The following SCLT1 variants were observed in gnomAD, a reference collection of about 807,000 sequenced individuals.
SCLT1 encodes the protein sodium channel-associated protein 1.
In SCLT1, 78 loss-of-function variants were observed where a neutral mutation model predicts 112.8. The ratio of observed to expected loss-of-function variants is 0.69; its 90% CI spans 0.58 to 0.83. The LOEUF is 0.83. Among genes scored for constraint, SCLT1 ranks in the 40% least tolerant of loss-of-function variants. SCLT1 has a pLI of 0.00. For synonymous variants in SCLT1, 257 were observed against 254.7 expected (o/e 1.01, Z -0.09); for missense variants, 747 against 770.4 (o/e 0.97, Z 0.36).
intron 4 of SCLT1, among the ~76,000 whole-genome samples, chr4:129,042,480 T>C (rs896739152): frequency 2.0e-4 from 30 of 152,002 alleles, no homozygotes; most frequent in African/African-American, 6.3e-4. Flanking sequence ...GCAGATAGAA[T>C]GAGGTAAGGA....
In SCLT1 at chr4:128,952,843, G is replaced by T; in HGVS notation, c.1147-3C>A. 6.9e-7 allele frequency: 1 copy of T among 1,439,436 alleles called. No individual in the cohort carries two copies. Among genetic ancestry groups the T allele is most frequent in the Non-Finnish European group, 9.8e-7 (1 of 1,021,434 alleles). The allele number at this position is 1,439,436 out of a possible 1,614,324, so 89.2% of individuals were successfully genotyped here. ...CATTGTTTTTTGGTGTTTGCAACCT[G>T]TAAATTAAGACATTTACTCATTATT... On this transcript the variant is annotated splice_polypyrimidine_tract_variant and splice_region_variant and intron_variant, in intron 13 of 20. Coordinates refer to ENST00000281142, the MANE Select transcript of SCLT1 (RefSeq NM_144643.4).
intron 9 of SCLT1, among the ~76,000 whole-genome samples, chr4:128,977,833 A>G (rs956106260): frequency 6.6e-6 from 1 of 152,206 alleles, no homozygotes; most frequent in Non-Finnish European, 1.5e-5. Flanking sequence ...TCCAATTGCA[A>G]TGAAAATCCA....
intron 18 of SCLT1, among the ~76,000 whole-genome samples, chr4:128,912,583 T>C (rs1256692855): frequency 1.3e-5 from 2 of 151,850 alleles, no homozygotes; most frequent in East Asian, 3.9e-4. Flanking sequence ...AGGGATACAA[T>C]TCATATATAT....
At position 128,946,167 on chromosome 4, in the gene SCLT1, T is replaced by A; in HGVS notation, c.1294-15A>T. On this transcript the variant is annotated splice_polypyrimidine_tract_variant and intron_variant, in intron 15 of 20. Transcript: ENST00000281142. The stretch of plus-strand genomic sequence containing the variant: ...TCACGGTAAATCTGCAGAAAAGGCT[T>A]ATTAGGTATATAATATTACAGAAGA... 6.4e-7 allele frequency: 1 copy of A among 1,559,124 alleles called. No homozygotes were observed. The highest frequency in any genetic ancestry group is 8.8e-7 in the Non-Finnish European group (1 of 1,132,722).
intron 5 of SCLT1, among the ~76,000 whole-genome samples, chr4:129,028,648 A>T (rs1391441773): frequency 6.6e-6 from 1 of 152,230 alleles, no homozygotes; most frequent in Admixed American, 6.5e-5. Context: ...CACCAAAAGC[A>T]ATGGCAACAA....
intron 2 of SCLT1, among the ~76,000 whole-genome samples, chr4:129,081,291 C>G (rs1021671656): frequency 6.6e-6 from 1 of 152,164 alleles, no homozygotes; most frequent in African/African-American, 2.4e-5. Context: ...GCTTGTAAAC[C>G]AATAAATTAG....
intron 9 of SCLT1, 89 bp from the exon 10 acceptor site, chr4:128,970,557 G>A: frequency 1.4e-6 from 1 of 736,174 alleles, no homozygotes; most frequent in Non-Finnish European, 2.3e-6. Context: ...GGTAAAATCA[G>A]TTCTAACTCT....
intron 18 of SCLT1, among the ~76,000 whole-genome samples, chr4:128,925,209 G>C (rs1419372516): frequency 1.3e-5 from 2 of 152,176 alleles, no homozygotes; most frequent in African/African-American, 4.8e-5. Flanking sequence ...GACATGTCTA[G>C]ATTCCTAATC....
downstream of SCLT1, among the ~76,000 whole-genome samples, chr4:128,879,402 G>A (rs1006115051): frequency 1.3e-5 from 2 of 152,078 alleles, no homozygotes; most frequent in African/African-American, 4.8e-5. Context: ...ACCTATAAAG[G>A]TTACTTTTGA....
At chr4:128,932,915 G>T (rs927352645) in intron 18 of SCLT1, among the ~76,000 whole-genome samples, 3 of 152,030 alleles carry the variant, frequency 2.0e-5, no homozygotes. Context: ...TCTCTATATT[G>T]AAAACTACCA....
rs1253637812 is a variant in SCLT1, at chr4:129,051,122, G to A, written c.103-7071C>T. On this transcript the variant is annotated intron_variant, in intron 2 of 20. Transcript: ENST00000281142. ...TACCAGTACCATCCTGTTTTGGTTA[G>A]TGTAGCAATGTAGTATAGTTTGAAG... Among the ~76,000 whole-genome samples the A allele has an allele frequency of 2.6e-5, 4 of 152,096 alleles. No homozygotes were observed. In the East Asian group the frequency reaches 7.7e-4, roughly 29 times the overall value.
At chr4:128,988,729 G>A (rs1027342414) in intron 9 of SCLT1, among the ~76,000 whole-genome samples, 1 of 151,680 alleles carries the variant, frequency 6.6e-6, no homozygotes, top group Non-Finnish European at 1.5e-5. Context: ...TGCTGCCTAC[G>A]AGAAACTCAT....
At chr4:128,929,852 G>T (rs1429381503) in intron 18 of SCLT1, among the ~76,000 whole-genome samples, 1 of 152,162 alleles carries the variant, frequency 6.6e-6, no homozygotes, top group Non-Finnish European at 1.5e-5. Flanking sequence ...TATTCATGGT[G>T]TTATAACAAA....
chr4:128,980,505 T>C (rs567991605), intron 9 of SCLT1, among the ~76,000 whole-genome samples: 30 of 152,294 alleles, frequency 2.0e-4, no homozygotes, highest in African/African-American at 6.7e-4. Context: ...TGCATTCCTA[T>C]CACATCAGCT....
intron 10 of SCLT1, among the ~76,000 whole-genome samples, chr4:128,969,597 TA>T (rs1335700342): frequency 6.6e-6 from 1 of 151,840 alleles, no homozygotes; most frequent in African/African-American, 2.4e-5. Flanking sequence ...TAAAATAAAA[TA>T]AATTTCCTAC....
chr4:129,068,902 T>G (rs1750734487), intron 2 of SCLT1, among the ~76,000 whole-genome samples: 1 of 152,228 alleles, frequency 6.6e-6, no homozygotes, highest in South Asian at 2.1e-4. Context: ...TTTTTACAGT[T>G]TCAGGTCTTA....
chr4:129,058,955 A>C (rs962842395), intron 2 of SCLT1, among the ~76,000 whole-genome samples: 2 of 152,180 alleles, frequency 1.3e-5, no homozygotes, highest in Non-Finnish European at 2.9e-5. Context: ...TAAAAAGATT[A>C]TATCCTCCTT....
intron 2 of SCLT1, among the ~76,000 whole-genome samples, chr4:129,066,103 T>C (rs1579910677): frequency 6.6e-6 from 1 of 152,062 alleles, no homozygotes. Context: ...GGCTCATATA[T>C]GCTAGTGAGG....
intron 6 of SCLT1, among the ~76,000 whole-genome samples, chr4:129,000,990 A>T (rs1743433460): frequency 1.3e-5 from 2 of 151,966 alleles, no homozygotes; most frequent in South Asian, 4.1e-4. Flanking sequence ...AAAATTTTAA[A>T]AGCGGTTTTA....
Sources: allele counts gnomAD v4.1 joint callset (sites outside exome capture counted in the v4.1 genomes callset), GRCh38; gene constraint gnomAD v4.1.1; transcripts MANE v1.5; gene names NCBI Gene and HGNC (gene_info 2026-07-23, HGNC 2026-07-21).